Variants in EPB41L4B observed in about 807,000 individuals in gnomAD.
EPB41L4B encodes the protein band 4.1-like protein 4B.
In EPB41L4B, 30 loss-of-function variants were observed where a neutral mutation model predicts 112.5. The ratio of observed to expected loss-of-function variants is 0.27; its 90% CI spans 0.20 to 0.36. The LOEUF (loss-of-function observed/expected upper bound fraction) is 0.36. Ranked by LOEUF, EPB41L4B falls within the 10% of genes least tolerant of loss-of-function variation. The pLI is 1.00. For missense variants in EPB41L4B, 1,024 were observed against 1,133.3 expected, an observed-to-expected ratio of 0.90 and a Z score of 1.38; for synonymous variants, 408 against 439.7, an observed-to-expected ratio of 0.93 and a Z score of 0.90.
Position 109,200,283 on chromosome 9 carries a change from C to T in EPB41L4B, c.1998G>A (p.Pro666=), listed in dbSNP as rs145283784. ...VETAQPAVEK[P]EIKPPRVRKL... ...TCCTCACTCGGGGAGGCTTGATTTC[C>T]GGCTTTTCCACAGCTGGCTGGGCAG... The change falls in exon 20 of 26, where the codon CCG becomes CCA. Residue 666 remains proline (P), a synonymous_variant. Coordinates refer to ENST00000374566, the MANE Select transcript of EPB41L4B (RefSeq NM_019114.5). 3.3e-5 allele frequency: 54 copies of T among 1,614,076 alleles called. No individual in the cohort carries two copies. In the African/African-American group the frequency reaches 4.8e-4, roughly 14 times the overall value.
chr9:109,253,064 T>C (rs1834853203), intron 12 of EPB41L4B, among the ~76,000 whole-genome samples: 1 of 152,206 alleles, frequency 6.6e-6, no homozygotes, highest in African/African-American at 2.4e-5. Context: ...CCAGTTAGCA[T>C]GGGCCTGATG....
At chr9:109,242,871 A>C (rs1394334409) in intron 15 of EPB41L4B, among the ~76,000 whole-genome samples, 3 of 151,758 alleles carry the variant, frequency 2.0e-5, no homozygotes, top group African/African-American at 7.3e-5. Flanking sequence ...AAAAAACAAA[A>C]AACCTGTCAA....
At chr9:109,234,192 G>T (rs1173764159) in intron 15 of EPB41L4B, among the ~76,000 whole-genome samples, 1 of 152,052 alleles carries the variant, frequency 6.6e-6, no homozygotes, top group Non-Finnish European at 1.5e-5. Flanking sequence ...TGTGAGCTGG[G>T]GGGAGTATAA....
chr9:109,176,752 C>T, intron 24 of EPB41L4B, 56 bp from the exon 25 acceptor site: 1 of 1,592,534 alleles, frequency 6.3e-7, no homozygotes, highest in Non-Finnish European at 8.6e-7. Context: ...CATTTTCACA[C>T]TGTCAGTTGC....
chr9:109,317,580 TA>T (rs1837680843), intron 1 of EPB41L4B, among the ~76,000 whole-genome samples: 1 of 152,214 alleles, frequency 6.6e-6, no homozygotes. Context: ...GCATCCTAAC[TA>T]GGGCTAATAA....
At chr9:109,309,482 G>A (rs1045082603) in intron 1 of EPB41L4B, among the ~76,000 whole-genome samples, 2 of 152,180 alleles carry the variant, frequency 1.3e-5, no homozygotes, top group African/African-American at 2.4e-5. Flanking sequence ...AACGGGATAC[G>A]GGAGACAATC....
At chr9:109,253,961 C>G (rs910120132) in intron 11 of EPB41L4B, among the ~76,000 whole-genome samples, 1 of 152,192 alleles carries the variant, frequency 6.6e-6, no homozygotes, top group Admixed American at 6.5e-5. Flanking sequence ...CTTTGCTATG[C>G]CAAGGCAAAC....
At chr9:109,225,316 G>C (rs1337511757) in intron 15 of EPB41L4B, among the ~76,000 whole-genome samples, 4 of 152,196 alleles carry the variant, frequency 2.6e-5, no homozygotes, top group Non-Finnish European at 5.9e-5. Flanking sequence ...TGTTATCTTT[G>C]CCCTGTATTA....
chr9:109,282,042 G>T (rs567569033), intron 1 of EPB41L4B, among the ~76,000 whole-genome samples: 1 of 152,176 alleles, frequency 6.6e-6, no homozygotes, highest in East Asian at 1.9e-4. Context: ...ACTGTACAAT[G>T]GACTATCATT....
intron 15 of EPB41L4B, among the ~76,000 whole-genome samples, chr9:109,222,172 G>C (rs1290277186): frequency 1.3e-5 from 2 of 152,174 alleles, no homozygotes; most frequent in African/African-American, 4.8e-5. Context: ...AAATATGCAT[G>C]TGTGACCTTC....
At position 109,173,867 on chromosome 9, in the gene EPB41L4B, C is replaced by T. The variant is rs759974422; in HGVS notation, c.*687G>A. 1 of 152,340 alleles carries T rather than the reference C, an allele frequency of 6.6e-6. No homozygotes were observed. Among genetic ancestry groups the T allele is most frequent in the Non-Finnish European group, 1.5e-5 (1 of 68,030 alleles). The allele number at this position is 152,340 out of a possible 1,614,324, so 9.4% of individuals were successfully genotyped here. ...CTGAATCTTCTTGATATTGAATCAT[C>T]TTAACCTTGTAAGGATTTTTAGACA... On this transcript the variant is annotated 3_prime_UTR_variant, in exon 26 of 26. Coordinates refer to ENST00000374566, the MANE Select transcript of EPB41L4B (RefSeq NM_019114.5).
chr9:109,288,007 G>C (rs1470626432), intron 1 of EPB41L4B, among the ~76,000 whole-genome samples: 5 of 152,242 alleles, frequency 3.3e-5, no homozygotes, highest in Non-Finnish European at 7.3e-5. Context: ...AGGCCCCTAA[G>C]TGGTCCCATG....
chr9:109,298,604 G>A (rs1342951700), intron 1 of EPB41L4B, among the ~76,000 whole-genome samples: 8 of 152,156 alleles, frequency 5.3e-5, no homozygotes, highest in African/African-American at 1.4e-4. Flanking sequence ...GAGCCACGGC[G>A]CCTGGCCCAT....
chr9:109,230,290 GCT>G (rs1216646192), intron 15 of EPB41L4B, among the ~76,000 whole-genome samples: 2 of 152,160 alleles, frequency 1.3e-5, no homozygotes, highest in Admixed American at 6.5e-5. Context: ...GGTAACCTGG[GCT>G]CTCTGAATTG....
rs1011275870 is a variant in EPB41L4B at position 109,200,175 on chromosome 9, G to A, written c.2045+61C>T. The stretch of plus-strand genomic sequence containing the variant: ...TAGTCAGAAGGGCTAAGAAGCATTT[G>A]TATCTAAACAATTAGTCATCATAGT... On this transcript the variant is annotated intron_variant, in intron 20 of 25. Transcript: ENST00000374566. 4.3e-6 allele frequency: 6 copies of A among 1,395,444 alleles called. No homozygotes were observed. The African/African-American group carries it at 8.5e-5, about 20-fold the overall frequency. The allele number at this position is 1,395,444 out of a possible 1,614,324, so 86.4% of individuals were successfully genotyped here.
chr9:109,223,051 G>A (rs763898163), intron 15 of EPB41L4B, among the ~76,000 whole-genome samples: 135 of 152,130 alleles, frequency 8.9e-4, no homozygotes, highest in Admixed American at 2.3e-3. Flanking sequence ...GGCTCTTCCA[G>A]CCCTGCCTAA....
chr9:109,184,284 A>G (rs1304086640), intron 23 of EPB41L4B, among the ~76,000 whole-genome samples: 1 of 152,222 alleles, frequency 6.6e-6, no homozygotes, highest in African/African-American at 2.4e-5. Flanking sequence ...CAGTGGCGCA[A>G]TCTCAGCTCA....
At chr9:109,225,481 AATG>A (rs1229123300) in intron 15 of EPB41L4B, among the ~76,000 whole-genome samples, 1 of 152,180 alleles carries the variant, frequency 6.6e-6, no homozygotes, top group African/African-American at 2.4e-5. Flanking sequence ...GACAAGAGAG[AATG>A]AGAGCCAAGT....
At chr9:109,313,433 G>A (rs565118860) in intron 1 of EPB41L4B, among the ~76,000 whole-genome samples, 147 of 149,368 alleles carry the variant, frequency 9.8e-4, no homozygotes, top group Non-Finnish European at 1.6e-3. Flanking sequence ...TAGGGTGGTG[G>A]GGGGGCACAC....
Sources: gnomAD v4.1 joint callset for allele counts (sites outside exome capture counted in the v4.1 genomes callset) on GRCh38, gnomAD v4.1.1 for gene constraint, MANE v1.5 for transcripts, NCBI Gene and HGNC (gene_info 2026-07-23, HGNC 2026-07-21) for gene names.